The following PCDH15 variants were observed in gnomAD, a reference collection of about 807,000 sequenced individuals.
PCDH15 encodes protocadherin-15.
In PCDH15, 129 loss-of-function variants were observed where a neutral mutation model predicts 178.5. The observed-to-expected ratio is 0.72, with a 90% confidence interval of 0.63 to 0.84. The LOEUF is 0.84. Ranked by LOEUF, PCDH15 falls within the 40% of genes least tolerant of loss-of-function variation. PCDH15 has a pLI of 0.00. For synonymous variants in PCDH15, 800 were observed against 732.0 expected (o/e 1.09, Z -1.50); for missense variants, 2,230 against 2,099.9 (o/e 1.06, Z -1.21).
chr10:54,832,218 C>T (rs555831554), intron 3 of PCDH15, among the ~76,000 whole-genome samples: 48 of 152,182 alleles, frequency 3.2e-4, no homozygotes, highest in Admixed American at 3.1e-3. Flanking sequence ...GGATGAGGAA[C>T]CCCAGGAGAA....
At chr10:55,459,786 T>G (rs926972336) in intron 2 of PCDH15, among the ~76,000 whole-genome samples, 2 of 152,090 alleles carry the variant, frequency 1.3e-5, no homozygotes, top group Admixed American at 6.6e-5. Flanking sequence ...TTAAGAAATC[T>G]GGAAGACCTT....
intron 2 of PCDH15, among the ~76,000 whole-genome samples, chr10:55,342,163 C>T (rs565210548): frequency 1.3e-5 from 2 of 151,218 alleles, no homozygotes; most frequent in South Asian, 4.2e-4. Flanking sequence ...TTTTTAGTAG[C>T]ATTGTTTCTA....
intron 2 of PCDH15, among the ~76,000 whole-genome samples, chr10:54,944,576 A>T (rs1838145500): frequency 6.6e-6 from 1 of 151,940 alleles, no homozygotes. Context: ...CCAATCCATT[A>T]TACAGACGCT....
At chr10:55,453,194 T>C (rs1211685390) in intron 2 of PCDH15, among the ~76,000 whole-genome samples, 1 of 152,124 alleles carries the variant, frequency 6.6e-6, no homozygotes, top group Non-Finnish European at 1.5e-5. Flanking sequence ...GCTTTTCCAG[T>C]CTCTGCATGT....
rs114708659 is a variant in PCDH15, at chr10:54,064,542, G to A, written c.2220+2215C>T. Among the ~76,000 whole-genome samples, 369 of 152,212 alleles carry A rather than the reference G, an allele frequency of 2.4e-3. 2 individuals carry two copies. The highest frequency in any genetic ancestry group is 8.4e-3 in the African/African-American group (350 of 41,528). ...TGCCATCAATCATGTTGTTCATGGTGCCCAGGCTGTTTATGAGGAGAAGTG... is the reference window on the plus strand; with the variant it reads ...TGCCATCAATCATGTTGTTCATGGTACCCAGGCTGTTTATGAGGAGAAGTG... On this transcript the variant is annotated intron_variant, in intron 18 of 37. Transcript: ENST00000644397.
At chr10:55,205,068 C>A (rs1202950807) in intron 1 of PCDH15, among the ~76,000 whole-genome samples, 1 of 151,966 alleles carries the variant, frequency 6.6e-6, no homozygotes, top group South Asian at 2.1e-4. Context: ...ATCCTCAGAT[C>A]TTACTTCCAA....
chr10:53,995,511 T>C, intron 21 of PCDH15, 138 bp downstream of exon 21: 1 of 1,491,180 alleles, frequency 6.7e-7, no homozygotes, highest in Non-Finnish European at 9.2e-7. Context: ...ATGAAATAAG[T>C]AAAAGAACAT....
chr10:55,350,268 TACACACACACAC>T (rs766450240), intron 2 of PCDH15, among the ~76,000 whole-genome samples: 2 of 56,770 alleles, frequency 3.5e-5, no homozygotes, highest in Non-Finnish European at 6.3e-5. Flanking sequence ...TATATATATA[TACACACACACAC>T]ACACACATAC....
intron 18 of PCDH15, among the ~76,000 whole-genome samples, chr10:54,038,011 TG>T (rs2093457569): frequency 6.6e-6 from 1 of 151,894 alleles, no homozygotes; most frequent in African/African-American, 2.4e-5. Flanking sequence ...TAGAAAAGAC[TG>T]GGCTCAGAGG....
chr10:54,032,335 CT>C (rs1489841490), intron 18 of PCDH15, among the ~76,000 whole-genome samples: 4 of 151,854 alleles, frequency 2.6e-5, no homozygotes, highest in East Asian at 3.9e-4. Flanking sequence ...TGCCCTATTG[CT>C]TTTTTTCTGT....
chr10:54,092,169 A>G (rs2094609802), intron 15 of PCDH15, among the ~76,000 whole-genome samples: 1 of 152,160 alleles, frequency 6.6e-6, no homozygotes, highest in Non-Finnish European at 1.5e-5. Flanking sequence ...GCTCATAGCT[A>G]CACTTTGAGG....
intron 2 of PCDH15, among the ~76,000 whole-genome samples, chr10:54,562,877 C>G (rs560215994): frequency 6.6e-6 from 1 of 151,984 alleles, no homozygotes; most frequent in Non-Finnish European, 1.5e-5. Context: ...AATATTATAC[C>G]CACCTCTCTA....
intron 26 of PCDH15, among the ~76,000 whole-genome samples, chr10:53,892,081 G>GT (rs1445870450): frequency 1.4e-5 from 2 of 138,748 alleles, no homozygotes; most frequent in African/African-American, 5.4e-5. Flanking sequence ...CCGGAGTGCC[G>GT]TGGTGGCATC....
At chr10:54,299,006 A>G (rs2059973193) in intron 8 of PCDH15, among the ~76,000 whole-genome samples, 1 of 152,232 alleles carries the variant, frequency 6.6e-6, no homozygotes, top group Non-Finnish European at 1.5e-5. Flanking sequence ...CCACAAGGAA[A>G]TCATGCAGTT....
intron 25 of PCDH15, among the ~76,000 whole-genome samples, chr10:53,933,546 G>T (rs1294899965): frequency 6.6e-6 from 1 of 152,132 alleles, no homozygotes; most frequent in Non-Finnish European, 1.5e-5. Flanking sequence ...GTGTATATGT[G>T]CCACATTTTC....
intron 2 of PCDH15, among the ~76,000 whole-genome samples, chr10:55,157,240 T>C (rs541162184): frequency 2.0e-5 from 3 of 151,540 alleles, no homozygotes; most frequent in Non-Finnish European, 2.9e-5. Context: ...AAATGCAAAT[T>C]AAAACCACAA....
At chr10:55,607,921 CACAGAG>C (rs933570132) in intron 2 of PCDH15, among the ~76,000 whole-genome samples, 8 of 151,424 alleles carry the variant, frequency 5.3e-5, no homozygotes, top group Admixed American at 5.3e-4. Flanking sequence ...TACACACACA[CACAGAG>C]ACAGAGAGAG....
intron 1 of PCDH15, among the ~76,000 whole-genome samples, chr10:55,269,277 G>A (rs1011887547): frequency 1.3e-5 from 2 of 151,150 alleles, no homozygotes; most frequent in Non-Finnish European, 2.9e-5. Context: ...AGAAGTCCTA[G>A]ACAGAGCAAT....
chr10:54,261,454 G>A (rs2057310110), intron 8 of PCDH15, among the ~76,000 whole-genome samples: 1 of 151,758 alleles, frequency 6.6e-6, no homozygotes. Context: ...TTGTTAATAG[G>A]CAAATTACAG....
Sources: gnomAD v4.1 joint callset for allele counts (sites outside exome capture counted in the v4.1 genomes callset) on GRCh38, gnomAD v4.1.1 for gene constraint, MANE v1.5 for transcripts, NCBI Gene and HGNC (gene_info 2026-07-23, HGNC 2026-07-21) for gene names.